The following PRKG1 variants were observed in gnomAD, a reference collection of about 807,000 sequenced individuals.
PRKG1 encodes the protein cGMP-dependent protein kinase 1.
PRKG1 carries 35 observed loss-of-function variants against 88.1 expected under a neutral mutation model. The observed-to-expected ratio is 0.40, with a 90% CI of 0.30 to 0.53. The LOEUF (loss-of-function observed/expected upper bound fraction) is 0.53, where lower values mean the gene tolerates loss of function less well. Among genes scored for constraint, PRKG1 ranks in the 20% least tolerant of loss-of-function variants. The pLI is 0.59. For synonymous variants in PRKG1, 303 were observed against 292.5 expected (o/e 1.04, Z -0.37); for missense variants, 540 against 839.8 (o/e 0.64, Z 4.41).
At chr10:51,351,346 A>C (rs1398127609) in intron 2 of PRKG1, among the ~76,000 whole-genome samples, 1 of 152,172 alleles carries the variant, frequency 6.6e-6, no homozygotes, top group African/African-American at 2.4e-5. Flanking sequence ...TGTCTTCCAC[A>C]ATGGTTGAAC....
intron 3 of PRKG1, among the ~76,000 whole-genome samples, chr10:51,587,800 T>C (rs537827450): frequency 6.6e-6 from 1 of 152,184 alleles, no homozygotes; most frequent in East Asian, 1.9e-4. Flanking sequence ...AGCCTCAATC[T>C]TCTCATCTGA....
intron 3 of PRKG1, among the ~76,000 whole-genome samples, chr10:51,656,894 A>T (rs1273552755): frequency 6.6e-6 from 1 of 152,124 alleles, no homozygotes; most frequent in Non-Finnish European, 1.5e-5. Flanking sequence ...CAAATTTAAG[A>T]GTACAGACTC....
At chr10:51,829,348 G>A (rs1046751260) in intron 4 of PRKG1, among the ~76,000 whole-genome samples, 2 of 152,170 alleles carry the variant, frequency 1.3e-5, no homozygotes, top group African/African-American at 4.8e-5. Context: ...AAGTGGGAAG[G>A]TGGCAGGTTT....
intron 5 of PRKG1, among the ~76,000 whole-genome samples, chr10:51,920,350 C>CG (rs1554855323): frequency 7.2e-5 from 11 of 152,028 alleles, no homozygotes; most frequent in Non-Finnish European, 1.6e-4. Context: ...TATAAGGCCC[C>CG]GGGGAGAGAG....
At chr10:51,741,824 A>T (rs1319588632) in intron 3 of PRKG1, among the ~76,000 whole-genome samples, 1 of 152,182 alleles carries the variant, frequency 6.6e-6, no homozygotes, top group East Asian at 1.9e-4. Flanking sequence ...CTTTGTAGCT[A>T]ATCTTTATAA....
chr10:51,983,174 G>A (rs1844058969), intron 5 of PRKG1, among the ~76,000 whole-genome samples: 1 of 152,136 alleles, frequency 6.6e-6, no homozygotes, highest in Admixed American at 6.5e-5. Context: ...GCGTGGGGCT[G>A]GCTGGCTCTT....
At chr10:51,046,115 G>A (rs1008267942) in intron 1 of PRKG1, among the ~76,000 whole-genome samples, 1 of 152,242 alleles carries the variant, frequency 6.6e-6, no homozygotes, top group African/African-American at 2.4e-5. Flanking sequence ...TGCACAGTAA[G>A]AGCATGTGAA....
At chr10:51,641,971 A>T (rs2132299089) in intron 3 of PRKG1, among the ~76,000 whole-genome samples, 1 of 152,254 alleles carries the variant, frequency 6.6e-6, no homozygotes, top group Non-Finnish European at 1.5e-5. Context: ...CAAAGGTGAA[A>T]GGGGGAATAT....
chr10:51,310,945 CT>C (rs1841168854), intron 2 of PRKG1, among the ~76,000 whole-genome samples: 1 of 152,152 alleles, frequency 6.6e-6, no homozygotes, highest in Non-Finnish European at 1.5e-5. Context: ...TCACAAATGG[CT>C]TCCCTGAGGT....
At chr10:51,808,716 A>G (rs1264803342) in intron 4 of PRKG1, among the ~76,000 whole-genome samples, 2 of 152,160 alleles carry the variant, frequency 1.3e-5, no homozygotes, top group African/African-American at 4.8e-5. Flanking sequence ...GTTTTTCTCT[A>G]TGTGTTTGCT....
intron 2 of PRKG1, among the ~76,000 whole-genome samples, chr10:51,266,670 T>A (rs933395793): frequency 2.6e-5 from 4 of 152,218 alleles, no homozygotes; most frequent in African/African-American, 9.6e-5. Context: ...GTACGGGCTG[T>A]TTTTTATTAA....
chr10:51,858,158 A>G (rs183072665), intron 4 of PRKG1, among the ~76,000 whole-genome samples: 1 of 15,894 alleles, frequency 6.3e-5, no homozygotes, highest in Non-Finnish European at 1.1e-4. Context: ...TATATATAAT[A>G]TATATTATAT....
In PRKG1 at chr10:51,804,610, C is replaced by A; in HGVS notation, c.618C>A (p.Ala206=). The A allele has an allele frequency of 1.9e-6, 3 of 1,600,120 alleles. No individual in the cohort carries two copies. Among genetic ancestry groups the A allele is most frequent in the Non-Finnish European group, 2.6e-6 (3 of 1,168,012 alleles). Residue 206 remains alanine, a synonymous_variant, in exon 4 of 18, where the codon GCC becomes GCA. Transcript: ENST00000373980. ...CTCTTGTAAATGTAAAACTCTGGGC[C>A]ATTGATCGACAATGTTTTCAAACAA... ...VKTLVNVKLW[A]IDRQCFQTIM... is the part of the protein sequence containing the mutation.
Position 51,662,470 on chromosome 10 carries a change from C to T in PRKG1, c.593-142115C>T, listed in dbSNP as rs183275079. ...CACACAAAATTATGTGCTATGTAGT[C>T]TGACAAAACATATGGTATAAGACTT... On this transcript the variant is annotated intron_variant, in intron 3 of 17. Coordinates refer to ENST00000373980, the MANE Select transcript of PRKG1 (RefSeq NM_006258.4). Among the ~76,000 whole-genome samples, 47 of 152,156 alleles carry T rather than the reference C, an allele frequency of 3.1e-4. No homozygotes were observed. The East Asian group carries it at 6.8e-3, about 22-fold the overall frequency.
In PRKG1 at chr10:51,543,100, T is replaced by C. The variant is rs141882121; in HGVS notation, c.592+75264T>C. On this transcript the variant is annotated intron_variant, in intron 3 of 17. Transcript: ENST00000373980. Reference sequence around the variant, plus strand: ...GGGGTCAACATCAACCCCAGTGCAGTTGGAAAGCTGTCTTGTAGGGTTATG... The same window carrying C: ...GGGGTCAACATCAACCCCAGTGCAGCTGGAAAGCTGTCTTGTAGGGTTATG... 3.7e-3 allele frequency among the ~76,000 whole-genome samples: 569 copies of C among 152,282 alleles called. 3 individuals carry two copies. The highest frequency in any genetic ancestry group is 0.013 in the African/African-American group (524 of 41,572).
At chr10:52,278,839 G>C (rs1195258308) in intron 12 of PRKG1, among the ~76,000 whole-genome samples, 1 of 150,148 alleles carries the variant, frequency 6.7e-6, no homozygotes, top group Non-Finnish European at 1.5e-5. Flanking sequence ...GGAGGCTGAG[G>C]TTGCAGTGAA....
At chr10:51,834,746 G>T (rs1006267028) in intron 4 of PRKG1, among the ~76,000 whole-genome samples, 1 of 151,310 alleles carries the variant, frequency 6.6e-6, no homozygotes, top group African/African-American at 2.4e-5. Context: ...AAAGAAAAAA[G>T]AAAAGAAAGG....
At chr10:52,065,821 ATGGCATTTTATAGAAATCAGG>A (rs1269674310) in intron 7 of PRKG1, among the ~76,000 whole-genome samples, 1 of 152,202 alleles carries the variant, frequency 6.6e-6, no homozygotes, top group African/African-American at 2.4e-5. Flanking sequence ...GTGTCAAAAG[ATGGCATTTTATAGAAATCAGG>A]TGGCATTTTA....
At chr10:51,590,725 C>T (rs1838290701) in intron 3 of PRKG1, among the ~76,000 whole-genome samples, 2 of 151,742 alleles carry the variant, frequency 1.3e-5, no homozygotes, top group Admixed American at 1.3e-4. Flanking sequence ...TCATCAAGCA[C>T]AATTAATTTT....
Sources: allele counts gnomAD v4.1 joint callset (sites outside exome capture counted in the v4.1 genomes callset), GRCh38; gene constraint gnomAD v4.1.1; transcripts MANE v1.5; gene names NCBI Gene and HGNC (gene_info 2026-07-23, HGNC 2026-07-21).